LRP2: variants seen among roughly 807,000 people sequenced by gnomAD.
LRP2 encodes low-density lipoprotein receptor-related protein 2.
LRP2 carries 172 observed loss-of-function variants against 531.0 expected under a neutral mutation model. The observed-to-expected ratio is 0.32, with a 90% CI of 0.29 to 0.37. The LOEUF (loss-of-function observed/expected upper bound fraction) is 0.37, where lower values mean the gene tolerates loss of function less well. LRP2 is among the 10% of genes least tolerant of loss of function. The pLI, the probability that LRP2 is intolerant of heterozygous loss-of-function variation, is 1.00. For missense variants in LRP2, 5,167 were observed against 5,868.3 expected, an observed-to-expected ratio of 0.88 and a Z score of 3.90; for synonymous variants, 1,992 against 2,027.6, an observed-to-expected ratio of 0.98 and a Z score of 0.47.
rs73037825 is a variant in LRP2, at chr2:169,292,051, G to C, written c.769+202C>G. Among the ~76,000 whole-genome samples, 717 of 152,196 alleles carry C rather than the reference G, an allele frequency of 4.7e-3. 5 individuals are homozygous for C. Among genetic ancestry groups the C allele is most frequent in the African/African-American group, 0.017 (693 of 41,522 alleles). On this transcript the variant is annotated intron_variant, in intron 7 of 78. Transcript: ENST00000649046. ...GAGGATTATAATTTAATCTGTATTT[G>C]TGTTCTGAATCTTCTTAGGAGAAGT...
chr2:169,350,460 C>T (rs1429011992), intron 1 of LRP2, among the ~76,000 whole-genome samples: 1 of 152,020 alleles, frequency 6.6e-6, no homozygotes, highest in African/African-American at 2.4e-5. Flanking sequence ...AGGCCAGGCA[C>T]AGTGGTTCAT....
chr2:169,331,809 C>T (rs1194528142), intron 1 of LRP2, among the ~76,000 whole-genome samples: 1 of 152,170 alleles, frequency 6.6e-6, no homozygotes, highest in East Asian at 1.9e-4. Flanking sequence ...CATTTCCAGT[C>T]CCAGTCACCC....
intron 9 of LRP2, 78 bp downstream of exon 9, chr2:169,288,948 C>G: frequency 6.2e-7 from 1 of 1,605,650 alleles, no homozygotes; most frequent in African/African-American, 1.3e-5. Context: ...CAAGTGCAAC[C>G]TCCTAGATGT....
rs763934551 is a variant in LRP2, at chr2:169,239,628, C to T, written c.4193G>A (p.Gly1398Asp). The change falls in exon 26 of 79, where the codon GGC becomes GAC. Residue 1398 changes from glycine to aspartate, a missense_variant. Physicochemically the swap from Gly to Asp is moderately conservative, Grantham distance 94. Transcript: ENST00000649046. ...ATTGTAACAGTGCTGGCTACAAGAGCCTAGAATATCACATTCATCTATGTC... is the reference window on the plus strand; with the variant it reads ...ATTGTAACAGTGCTGGCTACAAGAGTCTAGAATATCACATTCATCTATGTC... ...CEDIDECDIL[G>D]SCSQHCYNMR... is the part of the protein sequence containing the mutation. 6.2e-7 allele frequency: 1 copy of T among 1,614,044 alleles called. No individual in the cohort carries two copies. Among genetic ancestry groups the T allele is most frequent in the Non-Finnish European group, 8.5e-7 (1 of 1,179,954 alleles).
intron 23 of LRP2, 91 bp from the exon 24 acceptor site, chr2:169,243,163 T>C: frequency 9.0e-7 from 1 of 1,108,176 alleles, no homozygotes; most frequent in Non-Finnish European, 1.4e-6. Flanking sequence ...ATACTTTAAG[T>C]TCTGGAGTAC....
intron 1 of LRP2, among the ~76,000 whole-genome samples, chr2:169,344,665 C>T (rs1168006402): frequency 3.9e-5 from 6 of 152,110 alleles, no homozygotes; most frequent in Admixed American, 2.6e-4. Context: ...TATCCCTCAT[C>T]GAGTTTTAAC....
chr2:169,230,179 A>G (rs1419702440), intron 31 of LRP2, among the ~76,000 whole-genome samples: 1 of 152,248 alleles, frequency 6.6e-6, no homozygotes, highest in African/African-American at 2.4e-5. Context: ...CCAATGTGCA[A>G]TTCAACAGTC....
chr2:169,166,399 C>G (rs73015606), intron 61 of LRP2, among the ~76,000 whole-genome samples: 2,635 of 152,128 alleles, frequency 0.017, 69 homozygotes, highest in African/African-American at 0.06. Context: ...AAGAAACTTC[C>G]CATAGATTCT....
chr2:169,351,999 G>A (rs1685863815), intron 1 of LRP2, among the ~76,000 whole-genome samples: 1 of 152,144 alleles, frequency 6.6e-6, no homozygotes, highest in African/African-American at 2.4e-5. Context: ...TCCCAATGAG[G>A]TCAACAAAGA....
Position 169,198,850 on chromosome 2 carries a change from G to A in LRP2, c.8514C>T (p.Arg2838=), listed in dbSNP as rs145154135. 139 of 1,613,768 alleles carry A rather than the reference G, an allele frequency of 8.6e-5. 1 individual carries two copies. Among genetic ancestry groups the A allele is most frequent in the African/African-American group, 4.3e-4 (32 of 75,006 alleles). Residue 2838 remains arginine (R), a synonymous_variant, in exon 45 of 79, where the codon CGC becomes CGT. Transcript: ENST00000649046. The part of the protein sequence containing the change: ...KCHNSNICIP[R]VYLCDGDNDC... ...CATTGTCTCCGTCACACAAATAAACGCGAGGAATACAAATATTTGAATTAT... is the reference window on the plus strand; with the variant it reads ...CATTGTCTCCGTCACACAAATAAACACGAGGAATACAAATATTTGAATTAT...
chr2:169,139,274 C>G lies in LRP2; in HGVS notation c.13365G>C (p.Leu4455Phe), dbSNP rs1407354643. The change falls in exon 74 of 79, where the codon TTG becomes TTC. Residue 4455 changes from leucine to phenylalanine, a missense_variant. Transcript: ENST00000649046. ...FFHYRRTGSL[L>F]PALPKLPSLS... ...ACCTTGGCAGCTTGGGCAGAGCAGGCAAAAGGGAGCCGGTCCTTCTATAGT... is the reference window on the plus strand; with the variant it reads ...ACCTTGGCAGCTTGGGCAGAGCAGGGAAAAGGGAGCCGGTCCTTCTATAGT... The G allele has an allele frequency of 6.2e-7, 1 of 1,614,158 alleles. No homozygotes were observed. Among genetic ancestry groups the G allele is most frequent in the Admixed American group, 1.7e-5 (1 of 60,014 alleles).
In LRP2 at chr2:169,137,417, G is replaced by A; in HGVS notation, c.13595C>T (p.Ala4532Val). 2 of 1,613,860 alleles carry A rather than the reference G, an allele frequency of 1.2e-6. No homozygotes were observed. Among genetic ancestry groups the A allele is most frequent in the African/African-American group, 1.3e-5 (1 of 75,042 alleles). Reference protein sequence around the residue: ...ENPMYSARDSAVKVVQPIQVT... With the variant: ...ENPMYSARDSVVKVVQPIQVT... ...CTGGATTGGCTGAACCACTTTGACAGCACTGTCTCTGGCTGAGTACATTGG... is the reference window on the plus strand; with the variant it reads ...CTGGATTGGCTGAACCACTTTGACAACACTGTCTCTGGCTGAGTACATTGG... Residue 4532 changes from alanine to valine, a missense_variant, in exon 76 of 79, where the codon GCT becomes GTT. By Grantham distance (64) the Ala-to-Val change is moderately conservative. Around this residue, in one of 6 missense-constraint regions of LRP2, gnomAD observed 348 missense variants for 369.3 expected, o/e 0.94. Transcript: ENST00000649046.
intron 4 of LRP2, among the ~76,000 whole-genome samples, chr2:169,297,324 A>C (rs1684157172): frequency 6.6e-6 from 1 of 152,176 alleles, no homozygotes; most frequent in East Asian, 1.9e-4. Flanking sequence ...TGGCAAGCCT[A>C]AGTCTAACCT....
chr2:169,219,524 C>A (rs1455646382), intron 34 of LRP2, among the ~76,000 whole-genome samples: 10 of 152,166 alleles, frequency 6.6e-5, no homozygotes, highest in Non-Finnish European at 1.3e-4. Flanking sequence ...TCAATCCTGA[C>A]CAATTTTTCT....
intron 1 of LRP2, among the ~76,000 whole-genome samples, chr2:169,361,299 C>T (rs1169155623): frequency 2.0e-5 from 3 of 149,418 alleles, no homozygotes; most frequent in Admixed American, 1.3e-4. Context: ...CATTCATCCT[C>T]GGCCGGGTCT....
chr2:169,239,817 A>C (rs763854458), intron 25 of LRP2, 42 bp from the exon 26 acceptor site: 11 of 1,533,762 alleles, frequency 7.2e-6, no homozygotes, highest in Middle Eastern at 1.7e-4. Context: ...AAAATCAAGA[A>C]TCTTTGCTTC....
intron 33 of LRP2, 121 bp downstream of exon 33, chr2:169,225,189 T>G: frequency 9.8e-7 from 1 of 1,025,452 alleles, no homozygotes; most frequent in Admixed American, 2.0e-5. Flanking sequence ...CACTAATATC[T>G]TTTCCCTTTT....
chr2:169,304,018 G>T (rs576282109), intron 4 of LRP2, among the ~76,000 whole-genome samples: 1 of 152,014 alleles, frequency 6.6e-6, no homozygotes, highest in African/African-American at 2.4e-5. Context: ...TTACATATTC[G>T]TATCCTGCCA....
At chr2:169,301,308 T>C (rs945007491) in intron 4 of LRP2, among the ~76,000 whole-genome samples, 12 of 152,174 alleles carry the variant, frequency 7.9e-5, no homozygotes, top group Admixed American at 1.3e-4. Flanking sequence ...TGCATTGTTC[T>C]GATGTTTATC....
Sources: gnomAD v4.1 joint callset for allele counts (sites outside exome capture counted in the v4.1 genomes callset) on GRCh38, gnomAD v4.1.1 for gene constraint, gnomAD v4.1.1 regional missense constraint, MANE v1.5 for transcripts, NCBI Gene and HGNC (gene_info 2026-07-23, HGNC 2026-07-21) for gene names.